OPCML: variants seen among roughly 807,000 people sequenced by gnomAD.
OPCML encodes opioid-binding protein/cell adhesion molecule.
A neutral mutation model predicts 37.8 loss-of-function variants in OPCML; 13 were observed. That is an observed-to-expected ratio of 0.34 (90% confidence interval 0.22 to 0.55). OPCML has a LOEUF of 0.55. OPCML is among the 20% of genes least tolerant of loss of function. OPCML has a pLI of 0.91. For missense variants in OPCML, 341 were observed against 435.6 expected (o/e 0.78, Z 1.93); for synonymous variants, 176 against 168.8 (o/e 1.04, Z -0.33).
chr11:133,452,254 A>T (rs891060415), intron 1 of OPCML, among the ~76,000 whole-genome samples: 1 of 151,744 alleles, frequency 6.6e-6, no homozygotes, highest in Non-Finnish European at 1.5e-5. Context: ...AGGGAAATAC[A>T]TGAATAACCA....
At chr11:132,843,751 T>C (rs1941400294) in intron 2 of OPCML, among the ~76,000 whole-genome samples, 1 of 152,236 alleles carries the variant, frequency 6.6e-6, no homozygotes, top group African/African-American at 2.4e-5. Flanking sequence ...CTATCATCAC[T>C]GCGAAGGACA....
chr11:133,194,370 C>T (rs1405303954), intron 1 of OPCML, among the ~76,000 whole-genome samples: 8 of 152,034 alleles, frequency 5.3e-5, no homozygotes. Context: ...ACCAACACAC[C>T]CAGCTAATTT....
intron 3 of OPCML, among the ~76,000 whole-genome samples, chr11:132,581,830 C>T (rs571847769): frequency 1.8e-4 from 27 of 152,002 alleles, no homozygotes; most frequent in Admixed American, 1.6e-3. Flanking sequence ...GGTGGATACT[C>T]GGAAGCCCCA....
chr11:132,785,697 T>TGTAAGGAGCCAC (rs1365388926), intron 2 of OPCML, among the ~76,000 whole-genome samples: 2 of 152,288 alleles, frequency 1.3e-5, no homozygotes, highest in African/African-American at 4.8e-5. Flanking sequence ...AGGGTGGCTT[T>TGTAAGGAGCCAC]GTAAGGAGCC....
intron 1 of OPCML, among the ~76,000 whole-genome samples, chr11:133,239,161 C>A (rs958995847): frequency 4.6e-5 from 7 of 152,332 alleles, no homozygotes; most frequent in Non-Finnish European, 8.8e-5. Context: ...ATAATACTTT[C>A]TTTGGGAATT....
At position 132,774,657 on chromosome 11, in the gene OPCML, C is replaced by A. The variant is rs530737234; in HGVS notation, c.147-117338G>T. Among the ~76,000 whole-genome samples, 6 of 152,292 alleles carry A rather than the reference C, an allele frequency of 3.9e-5. No homozygotes were observed. The South Asian group carries it at 1.0e-3, about 26-fold the overall frequency. ...GGTTTATTTCCAGAAATTAGAATAA[C>A]TGGCTCCCCTCTTTCCTAGACATCC... On this transcript the variant is annotated intron_variant, in intron 2 of 7. Transcript: ENST00000524381.
At chr11:133,449,741 G>A (rs1946542655) in intron 1 of OPCML, among the ~76,000 whole-genome samples, 1 of 151,602 alleles carries the variant, frequency 6.6e-6, no homozygotes, top group African/African-American at 2.4e-5. Flanking sequence ...GTAAATCCTA[G>A]ATGATTTTAT....
intron 2 of OPCML, among the ~76,000 whole-genome samples, chr11:132,731,524 C>T (rs1341725145): frequency 2.0e-5 from 3 of 152,192 alleles, no homozygotes; most frequent in Non-Finnish European, 4.4e-5. Context: ...TATATGTTAA[C>T]TCATCCACTA....
intron 1 of OPCML, among the ~76,000 whole-genome samples, chr11:133,441,663 C>A (rs1008758467): frequency 6.6e-6 from 1 of 151,904 alleles, no homozygotes; most frequent in Admixed American, 6.6e-5. Flanking sequence ...CCTAAGTAGA[C>A]TTTGAAAGAA....
At chr11:132,963,649 C>T (rs1215766366) in intron 1 of OPCML, among the ~76,000 whole-genome samples, 2 of 151,464 alleles carry the variant, frequency 1.3e-5, no homozygotes, top group East Asian at 3.9e-4. Flanking sequence ...GCTTCCACTT[C>T]CTTCACCATT....
At chr11:132,460,782 A>G (rs867054038) in intron 4 of OPCML, among the ~76,000 whole-genome samples, 3 of 152,236 alleles carry the variant, frequency 2.0e-5, no homozygotes, top group Non-Finnish European at 4.4e-5. Context: ...AGTTTACAAA[A>G]TATCACATAT....
At chr11:133,093,983 CTA>C (rs1948957289) in intron 1 of OPCML, among the ~76,000 whole-genome samples, 1 of 152,008 alleles carries the variant, frequency 6.6e-6, no homozygotes, top group African/African-American at 2.4e-5. Context: ...GATGCATTGT[CTA>C]TGTGGTTTAT....
intron 1 of OPCML, among the ~76,000 whole-genome samples, chr11:133,307,333 T>C (rs1257210765): frequency 6.6e-6 from 1 of 152,164 alleles, no homozygotes; most frequent in Non-Finnish European, 1.5e-5. Context: ...ATAGGGGTTA[T>C]GTAGCTGGTC....
At chr11:133,042,199 C>T (rs1229257676) in intron 1 of OPCML, among the ~76,000 whole-genome samples, 1 of 152,214 alleles carries the variant, frequency 6.6e-6, no homozygotes, top group Non-Finnish European at 1.5e-5. Flanking sequence ...TCAAGGAATG[C>T]CGAGGGCCTC....
At chr11:132,741,670 A>G (rs1945436136) in intron 2 of OPCML, among the ~76,000 whole-genome samples, 1 of 152,178 alleles carries the variant, frequency 6.6e-6, no homozygotes, top group South Asian at 2.1e-4. Context: ...GCATTTGGAC[A>G]TTGGCATTGT....
At chr11:133,380,456 T>C (rs1944907073) in intron 1 of OPCML, among the ~76,000 whole-genome samples, 1 of 152,338 alleles carries the variant, frequency 6.6e-6, no homozygotes, top group East Asian at 1.9e-4. Context: ...GAATGCAATA[T>C]ATTTCCAAGT....
Position 132,897,845 on chromosome 11 carries a change from A to C in OPCML, c.146+45081T>G, listed in dbSNP as rs535921298. Among the ~76,000 whole-genome samples, 4 of 152,320 alleles carry C rather than the reference A, an allele frequency of 2.6e-5. No individual in the cohort carries two copies. The East Asian group carries it at 7.7e-4, about 29-fold the overall frequency. On this transcript the variant is annotated intron_variant, in intron 2 of 7. Transcript: ENST00000524381. ...TGATTAGAAAATTGGTGGCAAAAAC[A>C]TTGAGAGAATAGATATGTGGATAGA...
chr11:133,268,875 G>A (rs1321094159), intron 1 of OPCML, among the ~76,000 whole-genome samples: 4 of 152,150 alleles, frequency 2.6e-5, no homozygotes, highest in Non-Finnish European at 4.4e-5. Context: ...TTCTCTGAAG[G>A]CAGGTTTTGC....
chr11:132,918,150 C>G (rs1238698000), intron 2 of OPCML, among the ~76,000 whole-genome samples: 3 of 151,938 alleles, frequency 2.0e-5, no homozygotes, highest in Non-Finnish European at 4.4e-5. Context: ...TGATTTTTAC[C>G]TTTATAATGC....
Sources: allele counts gnomAD v4.1 joint callset (sites outside exome capture counted in the v4.1 genomes callset), GRCh38; gene constraint gnomAD v4.1.1; transcripts MANE v1.5; gene names NCBI Gene and HGNC (gene_info 2026-07-23, HGNC 2026-07-21).